The following CNTN5 variants were observed in gnomAD, a reference collection of about 807,000 sequenced individuals.
CNTN5 encodes contactin 5.
A neutral mutation model predicts 129.1 loss-of-function variants in CNTN5; 77 were observed. That is an observed-to-expected ratio of 0.60 (90% CI 0.50 to 0.72). The LOEUF is 0.72. Among genes scored for constraint, CNTN5 ranks in the 30% least tolerant of loss-of-function variants. The pLI is 0.00. For synonymous variants in CNTN5, 509 were observed against 465.6 expected (o/e 1.09, Z -1.20); for missense variants, 1,478 against 1,328.8 (o/e 1.11, Z -1.75).
intron 3 of CNTN5, among the ~76,000 whole-genome samples, chr11:99,619,249 A>G (rs1000675112): frequency 6.6e-6 from 1 of 152,096 alleles, no homozygotes; most frequent in Non-Finnish European, 1.5e-5. Flanking sequence ...AAATATTTCT[A>G]ATTGGAGATC....
intron 4 of CNTN5, among the ~76,000 whole-genome samples, chr11:99,821,289 T>A (rs1946793084): frequency 6.6e-6 from 1 of 152,124 alleles, no homozygotes; most frequent in African/African-American, 2.4e-5. Flanking sequence ...TTCAAATCCA[T>A]GAAAATGATG....
Position 99,421,323 on chromosome 11 carries a change from G to A in CNTN5, c.-71+95839G>A, listed in dbSNP as rs572003491. ...ATAACTTCTACTAGTGAAGAATTTT[G>A]ACAATAATTCAATGACCAGTGCTCT... On this transcript the variant is annotated intron_variant, in intron 2 of 24. Transcript: ENST00000524871. Among the ~76,000 whole-genome samples the A allele has an allele frequency of 2.0e-5, 3 of 152,188 alleles. No homozygotes were observed. In the South Asian group the frequency reaches 6.2e-4, roughly 32 times the overall value.
intron 3 of CNTN5, among the ~76,000 whole-genome samples, chr11:99,608,332 G>A (rs1052204832): frequency 6.6e-6 from 1 of 152,136 alleles, no homozygotes; most frequent in East Asian, 1.9e-4. Flanking sequence ...CAGCAAGAAT[G>A]ATCAGGTCTA....
At chr11:99,047,359 C>T (rs556254289) in intron 1 of CNTN5, among the ~76,000 whole-genome samples, 24 of 143,984 alleles carry the variant, frequency 1.7e-4, no homozygotes, top group Non-Finnish European at 3.2e-4. Flanking sequence ...TAATATGCAA[C>T]ACTGATCTTA....
chr11:100,060,846 G>T (rs1287177350), intron 9 of CNTN5, among the ~76,000 whole-genome samples: 1 of 151,864 alleles, frequency 6.6e-6, no homozygotes, highest in African/African-American at 2.4e-5. Context: ...TCACCATGTT[G>T]CCCAGGCTGG....
At chr11:100,259,496 T>G (rs1007534494) in intron 17 of CNTN5, among the ~76,000 whole-genome samples, 13 of 152,140 alleles carry the variant, frequency 8.5e-5, no homozygotes, top group African/African-American at 3.1e-4. Context: ...ATGTACATTT[T>G]TCTCAGCATC....
chr11:99,227,076 G>A (rs1860726196), intron 1 of CNTN5, among the ~76,000 whole-genome samples: 1 of 152,038 alleles, frequency 6.6e-6, no homozygotes, highest in African/African-American at 2.4e-5. Context: ...ATTATGATAA[G>A]GTGGCCACAC....
intron 6 of CNTN5, among the ~76,000 whole-genome samples, chr11:99,860,287 T>G (rs991120031): frequency 1.3e-5 from 2 of 152,154 alleles, no homozygotes; most frequent in African/African-American, 4.8e-5. Context: ...TTTCTTTTTT[T>G]TTGTTGAGGA....
intron 3 of CNTN5, among the ~76,000 whole-genome samples, chr11:99,612,865 GAAGTT>G (rs1380016167): frequency 2.0e-5 from 3 of 152,224 alleles, no homozygotes; most frequent in Non-Finnish European, 4.4e-5. Flanking sequence ...GTTGTGAAGT[GAAGTT>G]GACACACCAG....
intron 3 of CNTN5, among the ~76,000 whole-genome samples, chr11:99,746,765 C>CTG (rs1350559497): frequency 6.6e-6 from 1 of 152,196 alleles, no homozygotes; most frequent in African/African-American, 2.4e-5. Context: ...CCCTGTGTGG[C>CTG]TGGGGACTGC....
chr11:99,846,252 G>C (rs1162068291), intron 6 of CNTN5, among the ~76,000 whole-genome samples: 1 of 150,784 alleles, frequency 6.6e-6, no homozygotes, highest in Non-Finnish European at 1.5e-5. Context: ...CAGCTACCTG[G>C]GAGGCTGAGG....
At chr11:99,702,575 A>G (rs546759365) in intron 3 of CNTN5, among the ~76,000 whole-genome samples, 1 of 151,060 alleles carries the variant, frequency 6.6e-6, no homozygotes, top group African/African-American at 2.4e-5. Flanking sequence ...AACTAGATGC[A>G]TACTAACTCA....
intron 1 of CNTN5, among the ~76,000 whole-genome samples, chr11:99,144,235 A>G (rs1173884915): frequency 6.6e-6 from 1 of 152,228 alleles, no homozygotes; most frequent in East Asian, 1.9e-4. Flanking sequence ...ATTTGAATTA[A>G]GAATAAATTC....
intron 18 of CNTN5, among the ~76,000 whole-genome samples, chr11:100,288,527 G>A (rs954729686): frequency 5.3e-5 from 8 of 152,088 alleles, no homozygotes; most frequent in African/African-American, 1.9e-4. Flanking sequence ...ACAAAGAAAT[G>A]AAGGCAGAAA....
intron 23 of CNTN5, among the ~76,000 whole-genome samples, chr11:100,348,113 C>T (rs1193783125): frequency 1.3e-5 from 2 of 151,910 alleles, no homozygotes; most frequent in East Asian, 3.9e-4. Flanking sequence ...TTTCTTTATG[C>T]ATAAACATAG....
intron 2 of CNTN5, among the ~76,000 whole-genome samples, chr11:99,334,359 A>G (rs1357963907): frequency 6.6e-6 from 1 of 152,160 alleles, no homozygotes; most frequent in Non-Finnish European, 1.5e-5. Context: ...TTGCAAAGAA[A>G]CTTTGAAATA....
intron 14 of CNTN5, among the ~76,000 whole-genome samples, chr11:100,191,773 C>T (rs544689517): frequency 4.0e-5 from 6 of 151,812 alleles, no homozygotes; most frequent in Non-Finnish European, 7.4e-5. Context: ...TTTATATAAG[C>T]AATATTAATA....
At chr11:99,058,215 A>G (rs1565282912) in intron 1 of CNTN5, among the ~76,000 whole-genome samples, 1 of 151,928 alleles carries the variant, frequency 6.6e-6, no homozygotes, top group East Asian at 1.9e-4. Flanking sequence ...GAGTAGCTCA[A>G]CCCTTTGGAA....
chr11:99,362,289 A>T (rs1168824413), intron 2 of CNTN5, among the ~76,000 whole-genome samples: 1 of 152,026 alleles, frequency 6.6e-6, no homozygotes, highest in Non-Finnish European at 1.5e-5. Context: ...CTCTCTGAAG[A>T]AATGTCTGTT....
Sources: gnomAD v4.1 joint callset for allele counts (sites outside exome capture counted in the v4.1 genomes callset) on GRCh38, gnomAD v4.1.1 for gene constraint, MANE v1.5 for transcripts, NCBI Gene and HGNC (gene_info 2026-07-23, HGNC 2026-07-21) for gene names.